Variants in PLEKHH2 observed in about 807,000 individuals in gnomAD.
PLEKHH2 encodes pleckstrin homology, MyTH4 and FERM domain containing H2, also known as pleckstrin homology domain-containing family H member 2.
Under a neutral mutation model 187.9 loss-of-function variants are expected in PLEKHH2, and 129 were observed. The observed-to-expected ratio is 0.69, with a 90% CI of 0.59 to 0.79. PLEKHH2 has a LOEUF of 0.79. Ranked by LOEUF, PLEKHH2 falls within the 30% of genes least tolerant of loss-of-function variation. The pLI is 0.00. For missense variants in PLEKHH2, 2,076 were observed against 1,751.2 expected (o/e 1.19, Z -3.31); for synonymous variants, 686 against 605.6 (o/e 1.13, Z -1.95).
chr2:43,688,086 C>T (rs117808201), intron 3 of PLEKHH2, among the ~76,000 whole-genome samples: 1 of 152,298 alleles, frequency 6.6e-6, no homozygotes, highest in East Asian at 1.9e-4. Flanking sequence ...CAGGCATGAG[C>T]CACCACACCC....
intron 2 of PLEKHH2, among the ~76,000 whole-genome samples, chr2:43,647,997 A>T (rs1280930594): frequency 1.3e-5 from 2 of 152,200 alleles, no homozygotes; most frequent in Non-Finnish European, 2.9e-5. Flanking sequence ...GATTGTTATT[A>T]TCCTCAATCT....
At chr2:43,673,604 G>A (rs1667589669) in intron 2 of PLEKHH2, among the ~76,000 whole-genome samples, 1 of 152,070 alleles carries the variant, frequency 6.6e-6, no homozygotes, top group South Asian at 2.1e-4. Context: ...ACATATATAT[G>A]GTAGAAATAG....
chr2:43,673,506 C>T lies in PLEKHH2; in HGVS notation c.124-5357C>T, dbSNP rs141887179. 7.2e-5 allele frequency among the ~76,000 whole-genome samples: 11 copies of T among 152,290 alleles called. No homozygotes were observed. In the East Asian group the frequency reaches 2.1e-3, roughly 29 times the overall value. ...TAGTCAGAACGGGTTATATTATCCACATTTTATACACAAGAATTTTAGAGT... is the reference window on the plus strand; with the variant it reads ...TAGTCAGAACGGGTTATATTATCCATATTTTATACACAAGAATTTTAGAGT... On this transcript the variant is annotated intron_variant, in intron 2 of 29. Transcript: ENST00000282406.
In PLEKHH2 at chr2:43,757,172, C is replaced by T. The variant is rs145896532; in HGVS notation, c.3849C>T (p.Thr1283=). The T allele has an allele frequency of 1.2e-6, 2 of 1,601,644 alleles. No homozygotes were observed. The highest frequency in any genetic ancestry group is 8.5e-7 in the Non-Finnish European group (1 of 1,174,898). Residue 1283 remains threonine, a synonymous_variant, in exon 26 of 30, where the codon ACC becomes ACT. Transcript: ENST00000282406. The stretch of plus-strand genomic sequence containing the variant: ...TCTCAACTCCAGCAGGGCATGTTAC[C>T]AATCAGTGCAAAGTGAATCAAACTC... ...RPFSTPAGHV[T]NQCKVNQTLK...
intron 8 of PLEKHH2, among the ~76,000 whole-genome samples, 164 bp downstream of exon 8, chr2:43,700,772 C>G (rs542793229): frequency 7.2e-5 from 11 of 152,250 alleles, no homozygotes; most frequent in African/African-American, 2.6e-4. Flanking sequence ...CCTGCCTCAG[C>G]CTCCTGAGTA....
At chr2:43,686,884 C>T (rs937066661) in intron 3 of PLEKHH2, among the ~76,000 whole-genome samples, 1 of 152,070 alleles carries the variant, frequency 6.6e-6, no homozygotes, top group Admixed American at 6.6e-5. Context: ...TATGAGATCC[C>T]ATCCAAGTAG....
intron 28 of PLEKHH2, among the ~76,000 whole-genome samples, chr2:43,763,192 A>C (rs564941850): frequency 2.0e-5 from 3 of 152,218 alleles, no homozygotes; most frequent in Non-Finnish European, 4.4e-5. Flanking sequence ...GACTTAAAGT[A>C]AAAACAAACA....
chr2:43,675,882 A>G lies in PLEKHH2; in HGVS notation c.124-2981A>G, dbSNP rs780979943. 2.5e-6 allele frequency: 4 copies of G among 1,614,022 alleles called. No homozygotes were observed. The South Asian group carries it at 4.4e-5, about 18-fold the overall frequency. ...AAAGGTACTTTAAATTTTCAATGACAGCAAACGTAGTGGGAAGTGCAAGGA... is the reference window on the plus strand; with the variant it reads ...AAAGGTACTTTAAATTTTCAATGACGGCAAACGTAGTGGGAAGTGCAAGGA... On this transcript the variant is annotated intron_variant, in intron 2 of 29. Transcript: ENST00000282406.
intron 16 of PLEKHH2, among the ~76,000 whole-genome samples, chr2:43,721,507 G>C (rs1318777021): frequency 1.3e-5 from 2 of 152,144 alleles, no homozygotes; most frequent in African/African-American, 2.4e-5. Context: ...TACACTCTCA[G>C]GTCTGACCAG....
At chr2:43,726,537 G>T in intron 17 of PLEKHH2, 86 bp downstream of exon 17, 2 of 1,293,960 alleles carry the variant, frequency 1.5e-6, no homozygotes, top group South Asian at 1.4e-5. Context: ...CAATTTAATG[G>T]AAATAAGGAA....
intron 3 of PLEKHH2, among the ~76,000 whole-genome samples, chr2:43,688,053 G>A (rs916558200): frequency 6.6e-6 from 1 of 152,022 alleles, no homozygotes; most frequent in Admixed American, 6.6e-5. Flanking sequence ...CTCCCTCCTC[G>A]GCCTCCCAAA....
chr2:43,686,290 G>T (rs182841613), intron 3 of PLEKHH2, among the ~76,000 whole-genome samples: 96 of 152,082 alleles, frequency 6.3e-4, no homozygotes, highest in African/African-American at 2.2e-3. Context: ...TCTGCCTCCC[G>T]GGTTCAAGCA....
At chr2:43,689,810 C>T (rs969179836) in intron 3 of PLEKHH2, among the ~76,000 whole-genome samples, 1 of 152,186 alleles carries the variant, frequency 6.6e-6, no homozygotes, top group African/African-American at 2.4e-5. Flanking sequence ...GTAGCATTCA[C>T]TCATACAATA....
At chr2:43,652,761 G>C (rs1175105445) in intron 2 of PLEKHH2, among the ~76,000 whole-genome samples, 1 of 152,154 alleles carries the variant, frequency 6.6e-6, no homozygotes, top group Non-Finnish European at 1.5e-5. Flanking sequence ...TCTGAAGAAA[G>C]CCTCTAACAC....
At chr2:43,722,721 A>AATAT (rs1257204553) in intron 16 of PLEKHH2, among the ~76,000 whole-genome samples, 1 of 152,238 alleles carries the variant, frequency 6.6e-6, no homozygotes. Flanking sequence ...TGATCACAGT[A>AATAT]ATATGGATGG....
Position 43,726,849 on chromosome 2 carries a change from T to G in PLEKHH2, c.2721+398T>G, listed in dbSNP as rs189512392. On this transcript the variant is annotated intron_variant, in intron 17 of 29. Transcript: ENST00000282406. ...TGTATTATATGTACATGTAGTCATTTATGATAAAGGAGGTATCACAAATTA... is the reference window on the plus strand; with the variant it reads ...TGTATTATATGTACATGTAGTCATTGATGATAAAGGAGGTATCACAAATTA... Among the ~76,000 whole-genome samples, 5 of 152,350 alleles carry G rather than the reference T, an allele frequency of 3.3e-5. No individual in the cohort carries two copies. The East Asian group carries it at 9.6e-4, about 29-fold the overall frequency.
At chr2:43,683,770 A>ATC (rs961125783) in intron 3 of PLEKHH2, among the ~76,000 whole-genome samples, 2 of 147,680 alleles carry the variant, frequency 1.4e-5, no homozygotes, top group South Asian at 2.2e-4. Context: ...ATGTCTAGTT[A>ATC]TCTCTCTCTC....
At chr2:43,682,305 C>A (rs1398647407) in intron 3 of PLEKHH2, among the ~76,000 whole-genome samples, 1 of 152,034 alleles carries the variant, frequency 6.6e-6, no homozygotes, top group Non-Finnish European at 1.5e-5. Context: ...ATTCACATAA[C>A]ATAAAATTAA....
At chr2:43,675,755 C>G (rs776595458) in intron 2 of PLEKHH2, 4 of 1,613,742 alleles carry the variant, frequency 2.5e-6, no homozygotes, top group Non-Finnish European at 3.4e-6. Context: ...TTCATCAACT[C>G]TCTGCTTAAG....
Sources: gnomAD v4.1 joint callset for allele counts (sites outside exome capture counted in the v4.1 genomes callset) on GRCh38, gnomAD v4.1.1 for gene constraint, MANE v1.5 for transcripts, NCBI Gene and HGNC (gene_info 2026-07-23, HGNC 2026-07-21) for gene names.